Variants in EYA1 observed in about 807,000 individuals in gnomAD.
The protein encoded by EYA1 is EYA transcriptional coactivator and phosphatase 1.
EYA1 carries 16 observed loss-of-function variants against 82.0 expected under a neutral mutation model. The ratio of observed to expected loss-of-function variants is 0.20; its 90% CI spans 0.13 to 0.30. The LOEUF is 0.30. EYA1 is among the 10% of genes least tolerant of loss of function. The probability of loss-of-function intolerance (pLI) is 1.00; values close to 1 mark genes in which losing one functional copy is unlikely to be tolerated. For synonymous variants in EYA1, 261 were observed against 264.4 expected (o/e 0.99, Z 0.12); for missense variants, 633 against 730.7 (o/e 0.87, Z 1.54).
chr8:71,492,468 ATT>A (rs748896646), intron 2 of EYA1, among the ~76,000 whole-genome samples: 4 of 137,956 alleles, frequency 2.9e-5, no homozygotes, highest in Non-Finnish European at 3.1e-5. Flanking sequence ...ATTTATTATT[ATT>A]TTTTTTTTTT....
intron 2 of EYA1, among the ~76,000 whole-genome samples, chr8:71,525,985 A>C (rs186266478): frequency 0.012 from 1,870 of 152,326 alleles, 24 homozygotes; most frequent in Non-Finnish European, 0.016. Context: ...CTCTACCCTC[A>C]AACAGCTCAT....
intron 12 of EYA1, among the ~76,000 whole-genome samples, chr8:71,218,998 G>A (rs1395348255): frequency 6.6e-6 from 1 of 152,174 alleles, no homozygotes; most frequent in Non-Finnish European, 1.5e-5. Context: ...TTCCCTCTAA[G>A]GGTGGAAAGA....
intron 1 of EYA1, among the ~76,000 whole-genome samples, chr8:71,538,191 T>A (rs1306516554): frequency 6.6e-6 from 1 of 152,224 alleles, no homozygotes; most frequent in Non-Finnish European, 1.5e-5. Flanking sequence ...ATTCCCTTGC[T>A]GGACTTGATC....
At chr8:71,477,666 A>G (rs1332411210) in intron 2 of EYA1, among the ~76,000 whole-genome samples, 4 of 152,048 alleles carry the variant, frequency 2.6e-5, no homozygotes, top group Non-Finnish European at 5.9e-5. Context: ...AATTTTGGTC[A>G]CTCCTGTAAT....
intron 9 of EYA1, among the ~76,000 whole-genome samples, chr8:71,296,902 T>G (rs1025918788): frequency 1.3e-5 from 2 of 152,050 alleles, no homozygotes; most frequent in Non-Finnish European, 2.9e-5. Flanking sequence ...AATTAAAGAA[T>G]GAAAACAAAA....
chr8:71,395,750 C>G (rs540401041), intron 2 of EYA1, among the ~76,000 whole-genome samples: 1 of 152,110 alleles, frequency 6.6e-6, no homozygotes, highest in Non-Finnish European at 1.5e-5. Flanking sequence ...GTGTAAAATT[C>G]TCTTTTTTTG....
chr8:71,388,011 A>G (rs1829061897), intron 2 of EYA1, among the ~76,000 whole-genome samples: 1 of 152,186 alleles, frequency 6.6e-6, no homozygotes, highest in South Asian at 2.1e-4. Flanking sequence ...ATATGCCAGG[A>G]ACTGTGCTAA....
chr8:71,202,912 G>T (rs563083220), intron 17 of EYA1, among the ~76,000 whole-genome samples: 1 of 152,270 alleles, frequency 6.6e-6, no homozygotes, highest in African/African-American at 2.4e-5. Flanking sequence ...AGCTAATATT[G>T]CACAATGATA....
At position 71,271,813 on chromosome 8, in the gene EYA1, C is replaced by T. The variant is rs1036380891; in HGVS notation, c.911G>A (p.Arg304His). The T allele has an allele frequency of 5.6e-6, 9 of 1,614,166 alleles. No homozygotes were observed. The highest frequency in any genetic ancestry group is 1.1e-5 in the South Asian group (1 of 91,084). The change falls in exon 10 of 18, where the codon CGT (arginine) becomes CAT (histidine). Residue 304 changes from arginine (R) to histidine (H), a missense_variant. Physicochemically the swap from Arg to His is conservative, Grantham distance 29. Coordinates refer to ENST00000340726, the MANE Select transcript of EYA1 (RefSeq NM_000503.6). ...RLRRGSDGKSRGRGRRNNNPS... is the reference protein window; with the variant it reads ...RLRRGSDGKSHGRGRRNNNPS... Reference sequence around the variant, plus strand: ...ATTATTGTTTCTTCGGCCCCGTCCACGTGATTTCCCATCTGAACCTCGACG... The same window carrying T: ...ATTATTGTTTCTTCGGCCCCGTCCATGTGATTTCCCATCTGAACCTCGACG...
chr8:71,315,523 T>C (rs1454969568), intron 7 of EYA1, among the ~76,000 whole-genome samples: 2 of 152,214 alleles, frequency 1.3e-5, no homozygotes, highest in Non-Finnish European at 2.9e-5. Context: ...GCACTCTTTA[T>C]TTTCCTGATG....
chr8:71,249,767 G>A (rs985908196), intron 11 of EYA1, among the ~76,000 whole-genome samples: 6 of 152,112 alleles, frequency 3.9e-5, no homozygotes, highest in Non-Finnish European at 8.8e-5. Context: ...CTCAACTGGA[G>A]GCTCATATAT....
chr8:71,497,676 A>G (rs536876594), intron 2 of EYA1, among the ~76,000 whole-genome samples: 9 of 152,334 alleles, frequency 5.9e-5, no homozygotes, highest in Admixed American at 2.6e-4. Flanking sequence ...TCAAAAAATT[A>G]AAAACAGAAC....
At chr8:71,233,535 T>G (rs530020693) in intron 12 of EYA1, among the ~76,000 whole-genome samples, 153 of 144,022 alleles carry the variant, frequency 1.1e-3, no homozygotes, top group East Asian at 6.9e-3. Flanking sequence ...CTGCACTCCA[T>G]CCTGGGCGAC....
intron 2 of EYA1, among the ~76,000 whole-genome samples, chr8:71,485,953 A>G (rs79547023): frequency 0.016 from 2,474 of 152,304 alleles, 72 homozygotes; most frequent in African/African-American, 0.057. Flanking sequence ...TGCCAAATGC[A>G]AAGGGACCTG....
At chr8:71,375,073 G>A (rs1252035167) in intron 2 of EYA1, among the ~76,000 whole-genome samples, 2 of 152,058 alleles carry the variant, frequency 1.3e-5, no homozygotes, top group Non-Finnish European at 2.9e-5. Context: ...GACATCTAGT[G>A]TATAACTTGA....
intron 9 of EYA1, among the ~76,000 whole-genome samples, chr8:71,294,056 C>CA (rs1370268885): frequency 6.6e-6 from 1 of 151,496 alleles, no homozygotes; most frequent in African/African-American, 2.4e-5. Flanking sequence ...TACCCACCCC[C>CA]AAAACCAAAC....
intron 3 of EYA1, among the ~76,000 whole-genome samples, chr8:71,344,282 T>A (rs1010616401): frequency 1.3e-5 from 2 of 152,082 alleles, no homozygotes; most frequent in Non-Finnish European, 2.9e-5. Context: ...CACAACAGTA[T>A]GAAAAGATTG....
intron 11 of EYA1, among the ~76,000 whole-genome samples, chr8:71,264,954 T>G (rs2128938425): frequency 6.6e-6 from 1 of 152,328 alleles, no homozygotes; most frequent in South Asian, 2.1e-4. Flanking sequence ...ATAAGAAAAT[T>G]GAGGCTCAGT....
At chr8:71,340,664 T>C (rs1825017994) in intron 3 of EYA1, among the ~76,000 whole-genome samples, 1 of 152,170 alleles carries the variant, frequency 6.6e-6, no homozygotes, top group South Asian at 2.1e-4. Context: ...GTGACTCCTT[T>C]AGAATATATG....
Sources: gnomAD v4.1 joint callset for allele counts (sites outside exome capture counted in the v4.1 genomes callset) on GRCh38, gnomAD v4.1.1 for gene constraint, MANE v1.5 for transcripts, NCBI Gene and HGNC (gene_info 2026-07-23, HGNC 2026-07-21) for gene names.